The following CCSER1 variants were observed in gnomAD, a reference collection of about 807,000 sequenced individuals.
CCSER1 encodes coiled-coil serine rich protein 1, also known as serine-rich coiled-coil domain-containing protein 1.
In CCSER1, 41 loss-of-function variants were observed where a neutral mutation model predicts 82.0. The ratio of observed to expected loss-of-function variants is 0.50; its 90% CI spans 0.39 to 0.65. The LOEUF (loss-of-function observed/expected upper bound fraction) is 0.65. Among genes scored for constraint, CCSER1 ranks in the 30% least tolerant of loss-of-function variants. The pLI is 0.00. For missense variants in CCSER1, 1,119 were observed against 1,064.2 expected (o/e 1.05, Z -0.72); for synonymous variants, 414 against 383.9 (o/e 1.08, Z -0.92).
chr4:90,521,435 A>AAAG (rs1183952725), intron 5 of CCSER1, among the ~76,000 whole-genome samples: 1 of 152,184 alleles, frequency 6.6e-6, no homozygotes, highest in South Asian at 2.1e-4. Flanking sequence ...TCATGTGATG[A>AAAG]AAGAATACAC....
intron 7 of CCSER1, among the ~76,000 whole-genome samples, chr4:90,730,759 T>A (rs921760940): frequency 6.6e-6 from 1 of 152,118 alleles, no homozygotes; most frequent in Non-Finnish European, 1.5e-5. Flanking sequence ...CATGTTTTTA[T>A]GGGAAGAAAC....
chr4:91,173,116 T>C (rs560991578), intron 10 of CCSER1, among the ~76,000 whole-genome samples: 1 of 152,324 alleles, frequency 6.6e-6, no homozygotes, highest in Admixed American at 6.5e-5. Flanking sequence ...AATCAACATA[T>C]ACTTATTGAC....
chr4:90,810,754 G>A (rs899775013), intron 7 of CCSER1, among the ~76,000 whole-genome samples: 12 of 152,102 alleles, frequency 7.9e-5, no homozygotes, highest in African/African-American at 2.9e-4. Flanking sequence ...TGTATGGTAT[G>A]GATGCTATGG....
chr4:91,351,521 T>C (rs913935628), intron 10 of CCSER1, among the ~76,000 whole-genome samples: 5 of 152,186 alleles, frequency 3.3e-5, no homozygotes, highest in East Asian at 3.9e-4. Flanking sequence ...GATTCTGGTA[T>C]ACAAAAATAC....
chr4:90,448,474 TATATATATATA>T (rs1560533100), intron 4 of CCSER1, among the ~76,000 whole-genome samples: 199 of 128,914 alleles, frequency 1.5e-3, no homozygotes, highest in African/African-American at 5.9e-3. Flanking sequence ...TATATATATA[TATATATATATA>T]GCACTTTTCT....
chr4:90,468,549 T>C (rs1337664764), intron 5 of CCSER1, 195 bp downstream of exon 5: 4 of 463,106 alleles, frequency 8.6e-6, no homozygotes, highest in Non-Finnish European at 7.4e-6. Context: ...CTTTGAACCA[T>C]GTGTCATTCA....
chr4:90,195,152 A>G (rs529885895), intron 1 of CCSER1, among the ~76,000 whole-genome samples: 9 of 152,216 alleles, frequency 5.9e-5, no homozygotes, highest in African/African-American at 1.9e-4. Context: ...CTGTACATGG[A>G]TAGTTATAGC....
At chr4:90,599,910 G>A (rs1320416554) in intron 5 of CCSER1, among the ~76,000 whole-genome samples, 2 of 152,148 alleles carry the variant, frequency 1.3e-5, no homozygotes, top group African/African-American at 2.4e-5. Flanking sequence ...CCACTGCTTA[G>A]TTTTCTGTCA....
rs893985645 is a variant in CCSER1, at chr4:91,599,217, G to GT, written c.*170dup. ...CTTAGTCATAAACAAAGACTTGTGGGTTTTTTTTTTCCAAGAGTGAAAGTT... is the reference window on the plus strand; with the variant it reads ...CTTAGTCATAAACAAAGACTTGTGGGTTTTTTTTTTTCCAAGAGTGAAAGTT... On this transcript the variant is annotated 3_prime_UTR_variant, in exon 11 of 11. Coordinates refer to ENST00000509176, the MANE Select transcript of CCSER1 (RefSeq NM_001145065.2). 9,631 of 804,126 alleles carry GT rather than the reference G, an allele frequency of 0.012. No individual in the cohort carries two copies. Among genetic ancestry groups the GT allele is most frequent in the South Asian group, 0.018 (603 of 33,372 alleles). The allele number at this position is 804,126 out of a possible 1,614,324, so 49.8% of individuals were successfully genotyped here.
At chr4:91,445,045 T>G (rs1755460683) in intron 10 of CCSER1, among the ~76,000 whole-genome samples, 1 of 152,204 alleles carries the variant, frequency 6.6e-6, no homozygotes. Flanking sequence ...TGTAAAGATG[T>G]TCCTGAAAAT....
intron 3 of CCSER1, among the ~76,000 whole-genome samples, chr4:90,336,304 A>G (rs1043946677): frequency 6.6e-6 from 1 of 152,216 alleles, no homozygotes; most frequent in Non-Finnish European, 1.5e-5. Context: ...GATTTAGTTA[A>G]AGAGTTATCC....
intron 10 of CCSER1, among the ~76,000 whole-genome samples, chr4:91,383,610 A>G (rs1751081830): frequency 6.6e-6 from 1 of 152,156 alleles, no homozygotes; most frequent in African/African-American, 2.4e-5. Context: ...CTTTTGTGCT[A>G]TAGTTTCAAA....
intron 5 of CCSER1, among the ~76,000 whole-genome samples, chr4:90,583,651 G>T (rs1482458775): frequency 6.6e-6 from 1 of 152,010 alleles, no homozygotes; most frequent in Non-Finnish European, 1.5e-5. Flanking sequence ...CCTTAGTATT[G>T]ATTTGCAGCC....
rs1340871877 is a variant in CCSER1 at position 91,035,056 on chromosome 4, G to C, written c.2173-50894G>C. Among the ~76,000 whole-genome samples, 3 of 152,182 alleles carry C rather than the reference G, an allele frequency of 2.0e-5. No homozygotes were observed. The East Asian group carries it at 5.8e-4, about 29-fold the overall frequency. On this transcript the variant is annotated intron_variant, in intron 9 of 10. Transcript: ENST00000509176. ...TTAAATGTTTTCTATAAGTGTATAAGAAATATCAAGGTATACTAACATAAG... is the reference window on the plus strand; with the variant it reads ...TTAAATGTTTTCTATAAGTGTATAACAAATATCAAGGTATACTAACATAAG...
At chr4:90,600,681 A>G (rs1418024210) in intron 5 of CCSER1, among the ~76,000 whole-genome samples, 1 of 151,934 alleles carries the variant, frequency 6.6e-6, no homozygotes, top group Non-Finnish European at 1.5e-5. Context: ...ATTTTTTTTC[A>G]AAGACATCTA....
chr4:90,174,796 A>T (rs1732359317), intron 1 of CCSER1, among the ~76,000 whole-genome samples: 1 of 152,004 alleles, frequency 6.6e-6, no homozygotes, highest in Admixed American at 6.6e-5. Context: ...TAGAAATAGT[A>T]CCTATTCCCA....
intron 1 of CCSER1, among the ~76,000 whole-genome samples, chr4:90,243,449 AT>A: frequency 6.6e-6 from 1 of 152,082 alleles, no homozygotes; most frequent in South Asian, 2.1e-4. Flanking sequence ...GGGTTTCACC[AT>A]GTTGGTCAGG....
chr4:90,933,009 AAAGAAAGAAAGAAAGAAAG>A (rs1311177200), intron 9 of CCSER1, among the ~76,000 whole-genome samples: 7 of 83,058 alleles, frequency 8.4e-5, no homozygotes, highest in East Asian at 3.1e-4. Context: ...AGAAAGAAAG[AAAGAAAGAAAGAAAGAAAG>A]AAAGAAAGAA....
intron 3 of CCSER1, among the ~76,000 whole-genome samples, chr4:90,321,391 T>A (rs1453265954): frequency 5.3e-5 from 8 of 152,160 alleles, no homozygotes; most frequent in Admixed American, 5.2e-4. Context: ...ATTGACAGGA[T>A]CTCATCTGAT....
Sources: gnomAD v4.1 joint callset for allele counts (sites outside exome capture counted in the v4.1 genomes callset) on GRCh38, gnomAD v4.1.1 for gene constraint, MANE v1.5 for transcripts, NCBI Gene and HGNC (gene_info 2026-07-23, HGNC 2026-07-21) for gene names.